SYN2: variants seen among roughly 807,000 people sequenced by gnomAD.
SYN2 encodes synapsin II.
Under a neutral mutation model 50.9 loss-of-function variants are expected in SYN2, and 19 were observed. The observed-to-expected ratio is 0.37, with a 90% confidence interval of 0.26 to 0.55. The LOEUF (loss-of-function observed/expected upper bound fraction) is 0.55, where lower values mean the gene tolerates loss of function less well. SYN2 is among the 20% of genes least tolerant of loss of function. SYN2 has a pLI of 0.81. For synonymous variants in SYN2, 255 were observed against 224.9 expected, an observed-to-expected ratio of 1.13 and a Z score of -1.20; for missense variants, 587 against 576.4, an observed-to-expected ratio of 1.02 and a Z score of -0.19.
At chr3:12,168,284 G>A (rs929358720) in intron 8 of SYN2, 92 bp from the exon 9 acceptor site, 3 of 948,606 alleles carry the variant, frequency 3.2e-6, no homozygotes, top group African/African-American at 3.2e-5. Flanking sequence ...GGAGGTGGGA[G>A]AGATGGAGGC....
chr3:12,128,094 G>A (rs1391454606), intron 1 of SYN2, among the ~76,000 whole-genome samples: 1 of 151,788 alleles, frequency 6.6e-6, no homozygotes. Flanking sequence ...ACAGACACTA[G>A]CCACCATGCC....
intron 1 of SYN2, among the ~76,000 whole-genome samples, chr3:12,135,311 C>T (rs953607224): frequency 6.6e-6 from 1 of 152,160 alleles, no homozygotes. Context: ...TAGGAATCTC[C>T]TACTATTTCT....
rs61623997 is a variant in SYN2 at position 12,191,036 on chromosome 3, C to A, written c.*411C>A. ...CATGCCCCGCCCCCATTCAGTGATA[C>A]CTGTTTGGGAAGTATATACTTCCCC... On this transcript the variant is annotated 3_prime_UTR_variant, in exon 13 of 13. Coordinates refer to ENST00000621198, the MANE Select transcript of SYN2 (RefSeq NM_133625.6). The A allele has an allele frequency of 1.6e-3, 1,639 of 994,448 alleles. 17 individuals are homozygous for A. In the African/African-American group the frequency reaches 0.026, roughly 16 times the overall value. 61.6% of individuals were successfully genotyped at this position (994,448 alleles called of 1,614,324 possible).
chr3:12,088,199 TCAAA>T (rs35416561), intron 1 of SYN2, among the ~76,000 whole-genome samples: 14,442 of 152,110 alleles, frequency 0.095, 944 homozygotes, highest in African/African-American at 0.18. Flanking sequence ...TATAAGGAAC[TCAAA>T]CAACTCAATA....
intron 5 of SYN2, chr3:12,158,872 G>A (rs779470527): frequency 6.6e-7 from 1 of 1,523,880 alleles, no homozygotes. Context: ...AGCCTGTGAG[G>A]TCTGGGGGAC....
At chr3:12,055,616 C>G (rs965596882) in intron 1 of SYN2, among the ~76,000 whole-genome samples, 1 of 152,158 alleles carries the variant, frequency 6.6e-6, no homozygotes, top group Non-Finnish European at 1.5e-5. Context: ...ATCCCACCAA[C>G]TGTTTGAGGC....
chr3:12,122,915 A>C (rs924622602), intron 1 of SYN2, among the ~76,000 whole-genome samples: 3 of 152,198 alleles, frequency 2.0e-5, no homozygotes, highest in Non-Finnish European at 4.4e-5. Flanking sequence ...ACTATGAATA[A>C]AATAAGGCAG....
At chr3:12,156,820 C>T (rs764253609) in intron 5 of SYN2, 22 of 1,611,746 alleles carry the variant, frequency 1.4e-5, no homozygotes, top group Non-Finnish European at 9.3e-6. Flanking sequence ...TTTAACTTAC[C>T]AGTCAAGAGA....
At chr3:12,106,400 A>G (rs1028376878) in intron 1 of SYN2, among the ~76,000 whole-genome samples, 2 of 152,128 alleles carry the variant, frequency 1.3e-5, no homozygotes, top group Non-Finnish European at 2.9e-5. Context: ...AAAATCCATT[A>G]TATTCAACAA....
intron 11 of SYN2, chr3:12,183,778 G>C (rs1432265597): frequency 7.4e-6 from 8 of 1,077,364 alleles, no homozygotes; most frequent in African/African-American, 1.7e-5. Context: ...TATAATGTGG[G>C]GTGAAATGGG....
intron 1 of SYN2, among the ~76,000 whole-genome samples, chr3:12,044,958 A>G (rs565453772): frequency 6.6e-6 from 1 of 152,332 alleles, no homozygotes; most frequent in East Asian, 1.9e-4. Flanking sequence ...ATGAATGAGA[A>G]AATTGAAGAT....
chr3:12,122,217 T>C (rs928766221), intron 1 of SYN2, among the ~76,000 whole-genome samples: 2 of 152,350 alleles, frequency 1.3e-5, no homozygotes, highest in East Asian at 3.9e-4. Flanking sequence ...GCTTTTGAAC[T>C]TCTTGTCTAA....
intron 1 of SYN2, chr3:12,071,040 C>T: frequency 1.8e-6 from 1 of 560,368 alleles, no homozygotes; most frequent in Non-Finnish European, 3.6e-6. Context: ...CCTTCCTGGG[C>T]ATGGAATCTT....
chr3:12,149,701 G>C (rs1002963615), intron 4 of SYN2, among the ~76,000 whole-genome samples: 1 of 152,124 alleles, frequency 6.6e-6, no homozygotes, highest in African/African-American at 2.4e-5. Flanking sequence ...TTCAGTCCTG[G>C]AGGAGGCCCT....
chr3:12,115,287 T>G (rs1264524543), intron 1 of SYN2, among the ~76,000 whole-genome samples: 1 of 152,176 alleles, frequency 6.6e-6, no homozygotes, highest in Non-Finnish European at 1.5e-5. Flanking sequence ...GAATGCATGG[T>G]GGAGTTTCAG....
intron 1 of SYN2, among the ~76,000 whole-genome samples, chr3:12,087,832 A>T (rs1695739322): frequency 6.6e-6 from 1 of 152,198 alleles, no homozygotes; most frequent in South Asian, 2.1e-4. Context: ...CAATGGGGAA[A>T]GGACAGTCTC....
In SYN2 at chr3:12,173,955, G is replaced by A. The variant is rs1271670620; in HGVS notation, c.1308+4049G>A. Among the ~76,000 whole-genome samples, 7 of 152,256 alleles carry A rather than the reference G, an allele frequency of 4.6e-5. No homozygotes were observed. The South Asian group carries it at 6.2e-4, about 14-fold the overall frequency. ...GTCACTGAGTCCAGTGGTCACTTTT[G>A]TTCTTATCTTACAGACTTTTCAGTA... On this transcript the variant is annotated intron_variant, in intron 10 of 12. Coordinates refer to ENST00000621198, the MANE Select transcript of SYN2 (RefSeq NM_133625.6).
intron 1 of SYN2, among the ~76,000 whole-genome samples, chr3:12,015,631 C>T (rs936363555): frequency 6.6e-6 from 1 of 152,160 alleles, no homozygotes; most frequent in Admixed American, 6.5e-5. Flanking sequence ...GAATTTCCTA[C>T]ACCTTCCGTT....
At chr3:12,126,561 C>CA (rs1403673068) in intron 1 of SYN2, among the ~76,000 whole-genome samples, 1 of 152,120 alleles carries the variant, frequency 6.6e-6, no homozygotes, top group Non-Finnish European at 1.5e-5. Flanking sequence ...TCCTAATGTA[C>CA]AAAAATTTTT....
Sources: allele counts gnomAD v4.1 joint callset (sites outside exome capture counted in the v4.1 genomes callset), GRCh38; gene constraint gnomAD v4.1.1; transcripts MANE v1.5; gene names NCBI Gene and HGNC (gene_info 2026-07-23, HGNC 2026-07-21).